The following EPB41L4A variants were observed in gnomAD, a reference collection of about 807,000 sequenced individuals.
EPB41L4A encodes the protein band 4.1-like protein 4A.
A neutral mutation model predicts 108.6 loss-of-function variants in EPB41L4A; 100 were observed. The ratio of observed to expected loss-of-function variants is 0.92; its 90% CI spans 0.78 to 1.09. EPB41L4A has a LOEUF of 1.09. EPB41L4A is among the 50% of genes least tolerant of loss of function. EPB41L4A has a pLI of 0.00. For synonymous variants in EPB41L4A, 319 were observed against 289.0 expected (o/e 1.10, Z -1.05); for missense variants, 1,030 against 842.7 (o/e 1.22, Z -2.75).
At chr5:112,271,975 G>C (rs1752286533) in intron 4 of EPB41L4A, among the ~76,000 whole-genome samples, 1 of 152,044 alleles carries the variant, frequency 6.6e-6, no homozygotes, top group Non-Finnish European at 1.5e-5. Flanking sequence ...GGGACTCCAA[G>C]TTGATGATTC....
At chr5:112,286,645 G>C (rs1033952970) in intron 2 of EPB41L4A, among the ~76,000 whole-genome samples, 2 of 152,154 alleles carry the variant, frequency 1.3e-5, no homozygotes, top group African/African-American at 4.8e-5. Flanking sequence ...TGGAGGAACT[G>C]TCCATGTTCC....
intron 10 of EPB41L4A, among the ~76,000 whole-genome samples, chr5:112,240,012 G>A (rs1749657284): frequency 6.6e-6 from 1 of 152,136 alleles, no homozygotes; most frequent in African/African-American, 2.4e-5. Context: ...AAAGAAAAAA[G>A]TATCCCCACA....
chr5:112,281,891 T>C (rs1476890927), intron 2 of EPB41L4A, among the ~76,000 whole-genome samples: 1 of 152,220 alleles, frequency 6.6e-6, no homozygotes, highest in Non-Finnish European at 1.5e-5. Context: ...CTAAACTCTA[T>C]TCATGCATAT....
intron 1 of EPB41L4A, among the ~76,000 whole-genome samples, chr5:112,362,898 T>C (rs557241475): frequency 1.5e-4 from 21 of 140,078 alleles, no homozygotes; most frequent in Non-Finnish European, 2.9e-4. Context: ...TTTATATGTA[T>C]TTTTATTTGA....
At chr5:112,203,171 C>G (rs555031936) in intron 15 of EPB41L4A, among the ~76,000 whole-genome samples, 1 of 152,002 alleles carries the variant, frequency 6.6e-6, no homozygotes, top group Non-Finnish European at 1.5e-5. Context: ...TCGAGACCAA[C>G]GTGGAGAAAC....
intron 2 of EPB41L4A, among the ~76,000 whole-genome samples, chr5:112,286,563 C>T (rs370972867): frequency 6.6e-6 from 1 of 152,128 alleles, no homozygotes; most frequent in African/African-American, 2.4e-5. Flanking sequence ...AAGAGAAATG[C>T]GTATGCATCC....
intron 12 of EPB41L4A, among the ~76,000 whole-genome samples, chr5:112,210,911 G>A (rs1019151947): frequency 2.5e-4 from 38 of 151,382 alleles, no homozygotes; most frequent in Admixed American, 2.0e-4. Context: ...TAATAGTTAC[G>A]GTCCTTCAAT....
chr5:112,298,908 C>T (rs888044942), intron 2 of EPB41L4A, among the ~76,000 whole-genome samples: 2 of 152,060 alleles, frequency 1.3e-5, no homozygotes, highest in African/African-American at 4.8e-5. Flanking sequence ...TATCCATATC[C>T]TCCATGTTTT....
intron 17 of EPB41L4A, among the ~76,000 whole-genome samples, chr5:112,189,320 C>T (rs1198207880): frequency 1.3e-5 from 2 of 152,218 alleles, no homozygotes; most frequent in African/African-American, 4.8e-5. Context: ...ATCTCGGGAA[C>T]TTCACAAACC....
At chr5:112,170,748 G>A (rs916178270) in intron 19 of EPB41L4A, among the ~76,000 whole-genome samples, 197 bp downstream of exon 19, 1 of 152,170 alleles carries the variant, frequency 6.6e-6, no homozygotes, top group Non-Finnish European at 1.5e-5. Flanking sequence ...AGGTGAGGAG[G>A]TGTCAGGGTT....
chr5:112,391,123 G>A (rs1345238479), intron 1 of EPB41L4A, among the ~76,000 whole-genome samples: 2 of 152,168 alleles, frequency 1.3e-5, no homozygotes, highest in African/African-American at 4.8e-5. Context: ...GGAGAAACCA[G>A]AGTAAAAAAG....
intron 1 of EPB41L4A, among the ~76,000 whole-genome samples, chr5:112,375,404 A>G (rs1759756680): frequency 6.6e-6 from 1 of 152,058 alleles, no homozygotes; most frequent in Non-Finnish European, 1.5e-5. Context: ...GAAAGTTTAC[A>G]TGAGATCCAG....
At chr5:112,195,275 C>G (rs1377176036) in intron 16 of EPB41L4A, among the ~76,000 whole-genome samples, 1 of 152,020 alleles carries the variant, frequency 6.6e-6, no homozygotes, top group Non-Finnish European at 1.5e-5. Flanking sequence ...AAGAGAAAGG[C>G]CCCCTGGATA....
At position 112,266,250 on chromosome 5, in the gene EPB41L4A, C is replaced by T; in HGVS notation, c.416G>A (p.Gly139Glu). 6.2e-7 allele frequency: 1 copy of T among 1,609,848 alleles called. No homozygotes were observed. The highest frequency in any genetic ancestry group is 1.1e-5 in the South Asian group (1 of 89,800). The change falls in exon 5 of 23, where the codon GGA (glycine) becomes GAA (glutamate). Residue 139 changes from glycine (G) to glutamate (E), a missense_variant. Gly to Glu is a moderately conservative substitution (Grantham distance 98). Coordinates refer to ENST00000261486, the MANE Select transcript of EPB41L4A (RefSeq NM_022140.5). ...PCPVNTAAQL[G>E]AYAIQSELGD... Reference sequence around the variant, plus strand: ...GCACCTACACTGGATGGCATACGCTCCCAGCTGAGCAGCAGTGTTGACGGG... The same window carrying T: ...GCACCTACACTGGATGGCATACGCTTCCAGCTGAGCAGCAGTGTTGACGGG...
chr5:112,394,879 G>A (rs922715293), intron 1 of EPB41L4A, among the ~76,000 whole-genome samples: 27 of 152,096 alleles, frequency 1.8e-4, no homozygotes, highest in Admixed American at 8.5e-4. Context: ...ACAGCATGGT[G>A]CTGGTACCAA....
At chr5:112,241,172 T>A (rs1749759887) in intron 9 of EPB41L4A, among the ~76,000 whole-genome samples, 1 of 152,058 alleles carries the variant, frequency 6.6e-6, no homozygotes, top group Non-Finnish European at 1.5e-5. Context: ...AAAAAAAAGA[T>A]GCCCACAAAT....
chr5:112,145,755 C>T lies in EPB41L4A; in HGVS notation n.1112+126G>A, dbSNP rs1759228368. On this transcript the variant is annotated intron_variant and non_coding_transcript_variant, in intron 13 of 13. Transcript: ENST00000507810. ...TTGATAAACGTGCATACAACATCCT[C>T]AACCAAATCACTGTAAAAAGAATTA... 1.3e-5 allele frequency: 4 copies of T among 319,892 alleles called. 1 individual carries two copies. Among genetic ancestry groups the T allele is most frequent in the South Asian group, 7.7e-5 (3 of 38,846 alleles). 19.8% of individuals were successfully genotyped at this position (319,892 alleles called of 1,614,324 possible).
chr5:112,315,877 C>T (rs1237394997), intron 1 of EPB41L4A, among the ~76,000 whole-genome samples: 3 of 151,958 alleles, frequency 2.0e-5, no homozygotes, highest in African/African-American at 7.3e-5. Flanking sequence ...AAAGGGAGCA[C>T]CTGATTTTTT....
chr5:112,400,390 T>C (rs915139408), intron 1 of EPB41L4A, among the ~76,000 whole-genome samples: 4 of 151,984 alleles, frequency 2.6e-5, no homozygotes, highest in African/African-American at 7.3e-5. Context: ...GGGTCATTTA[T>C]AAAGAAAAGA....
Sources: allele counts gnomAD v4.1 joint callset (sites outside exome capture counted in the v4.1 genomes callset), GRCh38; gene constraint gnomAD v4.1.1; transcripts MANE v1.5; gene names NCBI Gene and HGNC (gene_info 2026-07-23, HGNC 2026-07-21).